The following PRMT2 variants were observed in gnomAD, a reference collection of about 807,000 sequenced individuals.
The protein encoded by PRMT2 is protein arginine N-methyltransferase 2.
Under a neutral mutation model 57.6 loss-of-function variants are expected in PRMT2, and 26 were observed. That is an observed-to-expected ratio of 0.45 (90% confidence interval 0.33 to 0.63). The LOEUF (loss-of-function observed/expected upper bound fraction) is 0.63. PRMT2 is among the 20% of genes least tolerant of loss of function. The pLI, the probability that PRMT2 is intolerant of heterozygous loss-of-function variation, is 0.02. For missense variants in PRMT2, 472 were observed against 564.4 expected (o/e 0.84, Z 1.66); for synonymous variants, 219 against 220.0 (o/e 1.00, Z 0.04).
chr21:46,645,185 C>T (rs2061341274), intron 5 of PRMT2, among the ~76,000 whole-genome samples: 1 of 152,202 alleles, frequency 6.6e-6, no homozygotes, highest in Non-Finnish European at 1.5e-5. Context: ...GAGGATTGCT[C>T]AAGCCTTGGA....
chr21:46,651,710 T>C, intron 7 of PRMT2: 2 of 1,384,084 alleles, frequency 1.4e-6, no homozygotes, highest in Non-Finnish European at 2.0e-6. Flanking sequence ...ATGGCGATAG[T>C]TGTTGGGGCA....
chr21:46,639,297 A>G (rs1302108990), intron 3 of PRMT2, among the ~76,000 whole-genome samples: 1 of 152,182 alleles, frequency 6.6e-6, no homozygotes, highest in East Asian at 1.9e-4. Context: ...TTCCATGAGT[A>G]CTTGCAAAGA....
At chr21:46,660,370 G>A (rs757320647) in intron 8 of PRMT2, among the ~76,000 whole-genome samples, 11 of 152,124 alleles carry the variant, frequency 7.2e-5, no homozygotes, top group Non-Finnish European at 1.6e-4. Context: ...AGTTCCTTTC[G>A]TTTATTATAG....
intron 7 of PRMT2, chr21:46,653,786 C>T: frequency 9.1e-7 from 1 of 1,096,462 alleles, no homozygotes; most frequent in Non-Finnish European, 1.1e-6. Flanking sequence ...AGTACAGAGA[C>T]ATCTTTTTCA....
chr21:46,640,680 T>C (rs2061256636), intron 3 of PRMT2, among the ~76,000 whole-genome samples: 1 of 151,606 alleles, frequency 6.6e-6, no homozygotes, highest in African/African-American at 2.4e-5. Context: ...TGATCTCAGG[T>C]GATCTGCCCA....
chr21:46,643,031 A>C (rs1483705014), intron 3 of PRMT2, among the ~76,000 whole-genome samples: 4 of 9,960 alleles, frequency 4.0e-4, no homozygotes, highest in African/African-American at 1.1e-3. Context: ...TGTCTCAAAA[A>C]AAAAAAAAAA....
Position 46,640,438 on chromosome 21 carries a change from A to AT in PRMT2, c.40-3076dup, listed in dbSNP as rs61531632. The stretch of plus-strand genomic sequence containing the variant: ...AAACTATGAAATGTGTTTTGCCTAC[A>AT]TTTTTTTTTTTTTTTTTTTTTGAGA... On this transcript the variant is annotated intron_variant, in intron 3 of 11. Coordinates refer to ENST00000355680, the MANE Select transcript of PRMT2 (RefSeq NM_206962.4). Among the ~76,000 whole-genome samples the AT allele has an allele frequency of 6.4e-3, 745 of 116,444 alleles. 1 individual carries two copies. Among genetic ancestry groups the AT allele is most frequent in the Middle Eastern group, 0.014 (3 of 218 alleles). The allele number at this position is 116,444 out of a possible 152,430, so 76.4% of individuals were successfully genotyped here. A position where few individuals can be genotyped will look rare whatever the true frequency, so the allele number is the denominator to read the frequency against.
At chr21:46,636,614 C>T (rs925557222) in intron 2 of PRMT2, 67 bp downstream of exon 2, 1 of 273,586 alleles carries the variant, frequency 3.7e-6, no homozygotes, top group African/African-American at 2.2e-5. Flanking sequence ...TGATTTATTG[C>T]CTTAAGTCGA....
chr21:46,652,715 C>A, intron 7 of PRMT2: 1 of 1,117,906 alleles, frequency 8.9e-7, no homozygotes, highest in Non-Finnish European at 1.1e-6. Flanking sequence ...TTTGTTTTTC[C>A]AGAAGCAGCA....
chr21:46,655,015 A>C, intron 7 of PRMT2: 1 of 629,458 alleles, frequency 1.6e-6, no homozygotes, highest in Non-Finnish European at 2.0e-6. Flanking sequence ...AGTTCATCTA[A>C]CATGAAATAG....
intron 7 of PRMT2, chr21:46,658,499 C>A (rs1203164504): frequency 3.8e-6 from 2 of 525,094 alleles, no homozygotes; most frequent in Non-Finnish European, 6.3e-6. Flanking sequence ...TTTAGCTCTG[C>A]TCCAGTTCAT....
rs1017905794 is a variant in PRMT2 at position 46,659,670 on chromosome 21, G to A, written c.830+750G>A. ...GCCCAGGCTTGCCTGGCAGTGGCAG[G>A]GAGGTGTGGCTGCCAGGGCCTTAGA... On this transcript the variant is annotated intron_variant, in intron 8 of 11. Coordinates refer to ENST00000355680, the MANE Select transcript of PRMT2 (RefSeq NM_206962.4). The A allele has an allele frequency of 2.3e-5, 23 of 985,328 alleles. No individual in the cohort carries two copies. In the African/African-American group the frequency reaches 4.0e-4, roughly 17 times the overall value. 61.0% of individuals were successfully genotyped at this position (985,328 alleles called of 1,614,324 possible). A position where few individuals can be genotyped will look rare whatever the true frequency, so the allele number is the denominator to read the frequency against.
Position 46,648,556 on chromosome 21 carries a change from G to A in PRMT2, c.426G>A (p.Leu142=). The A allele has an allele frequency of 6.2e-7, 1 of 1,614,238 alleles. No individual in the cohort carries two copies. Among genetic ancestry groups the A allele is most frequent in the Non-Finnish European group, 8.5e-7 (1 of 1,180,044 alleles). The part of the protein sequence containing the change: ...NKESLTDKVI[L]DVGCGTGIIS... The stretch of plus-strand genomic sequence containing the variant: ...AATCCCTGACGGATAAAGTCATCCT[G>A]GACGTGGGCTGTGGGACTGGGATCA... The change falls in exon 6 of 12, where the codon CTG becomes CTA. Residue 142 remains leucine (L), a synonymous_variant. Transcript: ENST00000355680. The surrounding 1 kb of genome is among the most constrained non-coding windows in gnomAD (Gnocchi z 4.8).
chr21:46,647,224 T>C (rs1158357134), intron 5 of PRMT2, among the ~76,000 whole-genome samples: 2 of 152,238 alleles, frequency 1.3e-5, no homozygotes, highest in African/African-American at 4.8e-5. Context: ...TATGGGCCTT[T>C]TGTATTTTTT....
intron 7 of PRMT2, among the ~76,000 whole-genome samples, chr21:46,651,619 C>T (rs1372839220): frequency 6.6e-6 from 1 of 151,946 alleles, no homozygotes; most frequent in South Asian, 2.1e-4. Flanking sequence ...GACTCCCCCC[C>T]AGGGAGACTG....
intron 5 of PRMT2, among the ~76,000 whole-genome samples, chr21:46,645,258 G>C (rs1241120268): frequency 6.7e-6 from 1 of 149,198 alleles, no homozygotes; most frequent in Non-Finnish European, 1.5e-5. Flanking sequence ...CAGAGCGAGA[G>C]CCTGTCTCAA....
rs1000088438 is a variant in PRMT2 at position 46,659,495 on chromosome 21, A to G, written c.830+575A>G. On this transcript the variant is annotated intron_variant, in intron 8 of 11. Coordinates refer to ENST00000355680, the MANE Select transcript of PRMT2 (RefSeq NM_206962.4). ...GAGATGACTAGCCAGATGGAATTGC[A>G]GCCCAATCATGTGAACAGGCAAACC... The G allele has an allele frequency of 8.2e-6, 8 of 981,162 alleles. No individual in the cohort carries two copies. In the East Asian group the frequency reaches 9.1e-4, roughly 111 times the overall value. 60.8% of individuals were successfully genotyped at this position (981,162 alleles called of 1,614,324 possible). A position where few individuals can be genotyped will look rare whatever the true frequency, so the allele number is the denominator to read the frequency against.
chr21:46,656,724 T>A (rs2061546710), intron 7 of PRMT2: 1 of 151,982 alleles, frequency 6.6e-6, no homozygotes, highest in Non-Finnish European at 1.5e-5. Context: ...ACTATAAACC[T>A]CCTTGAAAAA....
chr21:46,645,842 G>A (rs990351969), intron 5 of PRMT2, among the ~76,000 whole-genome samples: 3 of 151,788 alleles, frequency 2.0e-5, no homozygotes, highest in East Asian at 1.9e-4. Flanking sequence ...ACAGCCTCCT[G>A]TGTACCTGGG....
Sources: allele counts gnomAD v4.1 joint callset (sites outside exome capture counted in the v4.1 genomes callset), GRCh38; gene constraint gnomAD v4.1.1; non-coding constraint Gnocchi (gnomAD v3.1); transcripts MANE v1.5; gene names NCBI Gene and HGNC (gene_info 2026-07-23, HGNC 2026-07-21).